AGBL1: variants seen among roughly 807,000 people sequenced by gnomAD.
AGBL1 encodes cytosolic carboxypeptidase 4.
Under a neutral mutation model 118.9 loss-of-function variants are expected in AGBL1, and 130 were observed. The observed-to-expected ratio is 1.09, with a 90% CI of 0.95 to 1.26. The LOEUF (loss-of-function observed/expected upper bound fraction) is 1.26. Ranked by LOEUF, AGBL1 falls within the 50% of genes most tolerant of loss-of-function variation. AGBL1 has a pLI of 0.00. For synonymous variants in AGBL1, 555 were observed against 478.9 expected (o/e 1.16, Z -2.08); for missense variants, 1,584 against 1,298.1 (o/e 1.22, Z -3.38).
intron 1 of AGBL1, among the ~76,000 whole-genome samples, chr15:86,121,594 C>T (rs1037157967): frequency 3.9e-5 from 6 of 152,180 alleles, no homozygotes; most frequent in African/African-American, 1.4e-4. Flanking sequence ...ATGTACTCGA[C>T]AATAGTCATA....
intron 23 of AGBL1, among the ~76,000 whole-genome samples, chr15:86,977,199 T>C (rs1179613951): frequency 6.6e-6 from 1 of 151,978 alleles, no homozygotes; most frequent in East Asian, 1.9e-4. Context: ...CCATCAAATA[T>C]CACTTATATA....
intron 21 of AGBL1, among the ~76,000 whole-genome samples, chr15:86,661,924 CTTCG>C (rs1420374998): frequency 1.3e-5 from 2 of 152,178 alleles, no homozygotes; most frequent in Non-Finnish European, 2.9e-5. Context: ...AAGTTTCTTT[CTTCG>C]TTCAACTTCC....
At chr15:86,866,142 A>G (rs1307260739) in intron 22 of AGBL1, among the ~76,000 whole-genome samples, 1 of 152,200 alleles carries the variant, frequency 6.6e-6, no homozygotes, top group Non-Finnish European at 1.5e-5. Context: ...ATAACTCTGA[A>G]TATAAAAATA....
chr15:86,822,329 T>G (rs946005388), intron 22 of AGBL1, among the ~76,000 whole-genome samples: 8 of 152,132 alleles, frequency 5.3e-5, no homozygotes, highest in African/African-American at 1.9e-4. Flanking sequence ...CTTCTCAAAT[T>G]CCTGCTTCTC....
chr15:86,540,869 G>C (rs1381217103), intron 19 of AGBL1, among the ~76,000 whole-genome samples: 3 of 152,242 alleles, frequency 2.0e-5, no homozygotes, highest in African/African-American at 7.2e-5. Context: ...ATCTTCTGTG[G>C]CTACTAGAAC....
chr15:86,757,006 A>G (rs916025528), intron 22 of AGBL1, among the ~76,000 whole-genome samples: 1 of 150,734 alleles, frequency 6.6e-6, no homozygotes, highest in Non-Finnish European at 1.5e-5. Flanking sequence ...TTACCTACAG[A>G]TCCCCAGATC....
At chr15:86,569,423 AAAGAG>A (rs991827610) in intron 21 of AGBL1, among the ~76,000 whole-genome samples, 12 of 152,088 alleles carry the variant, frequency 7.9e-5, no homozygotes, top group Non-Finnish European at 1.5e-4. Flanking sequence ...AAAAAAAAAA[AAAGAG>A]AGAAATCCGG....
chr15:86,694,410 G>T (rs185098852), intron 22 of AGBL1, among the ~76,000 whole-genome samples: 1 of 152,150 alleles, frequency 6.6e-6, no homozygotes, highest in Admixed American at 6.6e-5. Context: ...CCTTGTTGGT[G>T]TATAGCAGAG....
At chr15:86,127,824 G>T (rs1329849132) in intron 1 of AGBL1, among the ~76,000 whole-genome samples, 2 of 152,080 alleles carry the variant, frequency 1.3e-5, no homozygotes, top group African/African-American at 2.4e-5. Context: ...TTTTTTTTCA[G>T]TTAGCTTAAG....
At chr15:86,824,747 A>G (rs1165452598) in intron 22 of AGBL1, among the ~76,000 whole-genome samples, 1 of 152,148 alleles carries the variant, frequency 6.6e-6, no homozygotes, top group East Asian at 1.9e-4. Flanking sequence ...CATATAGATC[A>G]ATAGAACAGA....
At chr15:86,688,140 A>C (rs1164612973) in intron 22 of AGBL1, among the ~76,000 whole-genome samples, 1 of 152,182 alleles carries the variant, frequency 6.6e-6, no homozygotes, top group African/African-American at 2.4e-5. Context: ...GTATGAATGC[A>C]GCTAAAGGGG....
intron 17 of AGBL1, among the ~76,000 whole-genome samples, chr15:86,333,806 C>T (rs12917193): frequency 0.78 from 118,388 of 152,108 alleles, 46,856 homozygotes; most frequent in African/African-American, 0.85. Context: ...GCAAGCTGAA[C>T]CCAGAAGCAC....
At chr15:86,752,702 C>T (rs1041994105) in intron 22 of AGBL1, among the ~76,000 whole-genome samples, 3 of 152,044 alleles carry the variant, frequency 2.0e-5, no homozygotes, top group Admixed American at 2.0e-4. Context: ...ACAGCCTTCT[C>T]CCACCTCCAA....
chr15:86,307,444 T>G (rs1209436515), intron 17 of AGBL1, among the ~76,000 whole-genome samples: 5 of 152,182 alleles, frequency 3.3e-5, no homozygotes, highest in Admixed American at 3.3e-4. Context: ...TTTTTTTGCT[T>G]AATTTTCATG....
At chr15:86,309,530 T>G (rs2079889370) in intron 17 of AGBL1, among the ~76,000 whole-genome samples, 1 of 152,222 alleles carries the variant, frequency 6.6e-6, no homozygotes, top group African/African-American at 2.4e-5. Flanking sequence ...GAGTATGTAT[T>G]TAGCTGTGGG....
chr15:86,522,965 C>T (rs2142201425), intron 19 of AGBL1, 26 bp downstream of exon 19: 1 of 1,609,622 alleles, frequency 6.2e-7, no homozygotes, highest in Non-Finnish European at 8.5e-7. Context: ...CTGCCTCCAC[C>T]TTCCTGGCTG....
intron 22 of AGBL1, among the ~76,000 whole-genome samples, chr15:86,857,184 A>G (rs1223580837): frequency 6.6e-6 from 1 of 152,114 alleles, no homozygotes; most frequent in Non-Finnish European, 1.5e-5. Flanking sequence ...ATTATCTCCT[A>G]GTTGGATTCA....
At chr15:86,736,105 A>G (rs924774226) in intron 22 of AGBL1, among the ~76,000 whole-genome samples, 3 of 152,124 alleles carry the variant, frequency 2.0e-5, no homozygotes, top group Admixed American at 2.0e-4. Flanking sequence ...TTATTGGGCC[A>G]GGCATGGTGA....
chr15:86,793,121 T>C (rs186699432), intron 22 of AGBL1, among the ~76,000 whole-genome samples: 6 of 152,320 alleles, frequency 3.9e-5, no homozygotes, highest in Admixed American at 3.9e-4. Context: ...ACAAAAATTT[T>C]CATGATAAAA....
Sources: allele counts gnomAD v4.1 joint callset (sites outside exome capture counted in the v4.1 genomes callset), GRCh38; gene constraint gnomAD v4.1.1; transcripts MANE v1.5; gene names NCBI Gene and HGNC (gene_info 2026-07-23, HGNC 2026-07-21).